TMEM132D: variants seen among roughly 807,000 people sequenced by gnomAD.
TMEM132D encodes the protein mature OL transmembrane protein.
A neutral mutation model predicts 62.3 loss-of-function variants in TMEM132D; 21 were observed. The observed-to-expected ratio is 0.34, with a 90% CI of 0.24 to 0.49. The LOEUF is 0.49. TMEM132D is among the 20% of genes least tolerant of loss of function. The probability of loss-of-function intolerance (pLI) is 0.99; values close to 1 mark genes in which losing one functional copy is unlikely to be tolerated. For synonymous variants in TMEM132D, 621 were observed against 575.6 expected, an observed-to-expected ratio of 1.08 and a Z score of -1.13; for missense variants, 1,346 against 1,402.8, an observed-to-expected ratio of 0.96 and a Z score of 0.65.
chr12:129,129,496 A>G (rs1876308818), intron 5 of TMEM132D, among the ~76,000 whole-genome samples: 1 of 152,178 alleles, frequency 6.6e-6, no homozygotes, highest in Non-Finnish European at 1.5e-5. Flanking sequence ...TTTCCTTCAG[A>G]TATATGCCCA....
intron 2 of TMEM132D, among the ~76,000 whole-genome samples, chr12:129,631,977 A>C (rs1879356647): frequency 6.6e-6 from 1 of 152,186 alleles, no homozygotes; most frequent in African/African-American, 2.4e-5. Flanking sequence ...GACCTATTCC[A>C]AGGAATAAGT....
intron 2 of TMEM132D, among the ~76,000 whole-genome samples, chr12:129,633,013 G>A (rs1257399348): frequency 1.3e-5 from 2 of 152,162 alleles, no homozygotes; most frequent in Non-Finnish European, 2.9e-5. Context: ...CCCACATAGG[G>A]GTAAGTAGGA....
chr12:129,148,719 C>T (rs1436688541), intron 5 of TMEM132D, among the ~76,000 whole-genome samples: 3 of 152,216 alleles, frequency 2.0e-5, no homozygotes, highest in Admixed American at 2.0e-4. Context: ...ATTGAACACA[C>T]CGACTTCAGT....
chr12:129,689,165 A>T (rs775352520), intron 2 of TMEM132D, among the ~76,000 whole-genome samples: 1,956 of 152,304 alleles, frequency 0.013, 34 homozygotes, highest in African/African-American at 0.045. Context: ...ATTCAAACTT[A>T]GCCTTGGGGG....
intron 3 of TMEM132D, among the ~76,000 whole-genome samples, chr12:129,528,272 G>A (rs938176185): frequency 1.1e-4 from 16 of 152,028 alleles, no homozygotes; most frequent in South Asian, 2.1e-4. Flanking sequence ...CTGTAATCAC[G>A]GAGCATGATT....
chr12:129,215,567 C>T (rs970832376), intron 4 of TMEM132D, among the ~76,000 whole-genome samples: 5 of 152,198 alleles, frequency 3.3e-5, no homozygotes, highest in Admixed American at 2.0e-4. Flanking sequence ...TTCCTGCCCA[C>T]TAGGCACAGA....
intron 2 of TMEM132D, among the ~76,000 whole-genome samples, chr12:129,609,169 T>A (rs564176480): frequency 4.1e-4 from 63 of 152,200 alleles, no homozygotes; most frequent in Admixed American, 1.7e-3. Context: ...GGTCTCGAAC[T>A]CCTGACCTCA....
At chr12:129,684,919 G>A (rs940605447) in intron 2 of TMEM132D, among the ~76,000 whole-genome samples, 1 of 152,246 alleles carries the variant, frequency 6.6e-6, no homozygotes, top group Admixed American at 6.5e-5. Context: ...TGGATTGAGA[G>A]ATTGAAATGA....
intron 3 of TMEM132D, among the ~76,000 whole-genome samples, chr12:129,372,572 G>A (rs1242072356): frequency 7.9e-6 from 1 of 127,166 alleles, no homozygotes; most frequent in African/African-American, 2.9e-5. Context: ...CCTCCTGTCA[G>A]ATCAGGATCA....
At chr12:129,522,348 A>G (rs1485741067) in intron 3 of TMEM132D, among the ~76,000 whole-genome samples, 2 of 152,222 alleles carry the variant, frequency 1.3e-5, no homozygotes, top group Non-Finnish European at 2.9e-5. Context: ...GTTGGACTGT[A>G]AATAAAGCTT....
chr12:129,244,915 A>C (rs1354708828), intron 4 of TMEM132D, among the ~76,000 whole-genome samples: 3 of 152,174 alleles, frequency 2.0e-5, no homozygotes, highest in South Asian at 4.1e-4. Context: ...TGTTGGGATT[A>C]CAGGTGTGAG....
Position 129,241,443 on chromosome 12 carries a change from C to A in TMEM132D, c.1300-31780G>T, listed in dbSNP as rs183791675. Among the ~76,000 whole-genome samples the A allele has an allele frequency of 4.0e-3, 614 of 152,280 alleles. 4 individuals are homozygous for A. The highest frequency in any genetic ancestry group is 0.014 in the African/African-American group (592 of 41,572). On this transcript the variant is annotated intron_variant, in intron 4 of 8. Transcript: ENST00000422113. ...TCTTCTTTGCTCTCTTCTTTGGCCC[C>A]ACCGACCTGCTTTCTGATCTGTGTC...
At position 129,341,826 on chromosome 12, in the gene TMEM132D, T is replaced by C. The variant is rs1869497240; in HGVS notation, c.1116-4009A>G. Among the ~76,000 whole-genome samples, 8 of 152,190 alleles carry C rather than the reference T, an allele frequency of 5.3e-5. 1 individual carries two copies. In the South Asian group the frequency reaches 1.7e-3, roughly 32 times the overall value. ...ATCATGAGTGAACTCCCATTCACAA[T>C]TGCTTCAAAGAGAATAAAATACCTA... On this transcript the variant is annotated intron_variant, in intron 3 of 8. Transcript: ENST00000422113.
intron 2 of TMEM132D, among the ~76,000 whole-genome samples, chr12:129,572,423 G>A (rs1352397785): frequency 6.6e-6 from 1 of 150,862 alleles, no homozygotes; most frequent in Non-Finnish European, 1.5e-5. Context: ...ACCCAGGGCA[G>A]AGGGTCTGTT....
At chr12:129,511,959 C>A (rs1216433557) in intron 3 of TMEM132D, among the ~76,000 whole-genome samples, 1 of 152,206 alleles carries the variant, frequency 6.6e-6, no homozygotes, top group African/African-American at 2.4e-5. Flanking sequence ...TATGGGATGA[C>A]TAGCTACATT....
intron 1 of TMEM132D, among the ~76,000 whole-genome samples, chr12:129,713,440 A>C (rs926158073): frequency 1.3e-5 from 2 of 151,836 alleles, no homozygotes; most frequent in Admixed American, 6.6e-5. Context: ...AGATTACCTC[A>C]AGTAGTGTAT....
chr12:129,685,520 G>A (rs574137896), intron 2 of TMEM132D, among the ~76,000 whole-genome samples: 2 of 152,198 alleles, frequency 1.3e-5, no homozygotes, highest in South Asian at 4.1e-4. Context: ...GAAATCCCTG[G>A]ATGTCCAGGC....
At chr12:129,160,834 G>A (rs1345925753) in intron 5 of TMEM132D, among the ~76,000 whole-genome samples, 2 of 152,172 alleles carry the variant, frequency 1.3e-5, no homozygotes, top group Non-Finnish European at 2.9e-5. Context: ...GTGGTCAAAG[G>A]TGACTTTCAG....
intron 5 of TMEM132D, among the ~76,000 whole-genome samples, chr12:129,148,372 G>C (rs1593276859): frequency 6.6e-6 from 1 of 152,154 alleles, no homozygotes; most frequent in East Asian, 1.9e-4. Flanking sequence ...AAAATGGGGA[G>C]GTTATCCTGG....
Sources: allele counts gnomAD v4.1 joint callset (sites outside exome capture counted in the v4.1 genomes callset), GRCh38; gene constraint gnomAD v4.1.1; transcripts MANE v1.5; gene names NCBI Gene and HGNC (gene_info 2026-07-23, HGNC 2026-07-21).